SYNDIG1: variants seen among roughly 807,000 people sequenced by gnomAD.
The protein encoded by SYNDIG1 is synapse differentiation inducing 1.
In SYNDIG1, 9 loss-of-function variants were observed where a neutral mutation model predicts 19.4. The ratio of observed to expected loss-of-function variants is 0.46; its 90% confidence interval spans 0.28 to 0.81. The LOEUF (loss-of-function observed/expected upper bound fraction) is 0.81. Among genes scored for constraint, SYNDIG1 ranks in the 30% least tolerant of loss-of-function variants. The probability of loss-of-function intolerance (pLI) is 0.12; values close to 1 mark genes in which losing one functional copy is unlikely to be tolerated. For missense variants in SYNDIG1, 311 were observed against 343.3 expected (o/e 0.91, Z 0.74); for synonymous variants, 141 against 145.9 (o/e 0.97, Z 0.24).
At chr20:24,597,904 G>A (rs1215487551) in intron 3 of SYNDIG1, among the ~76,000 whole-genome samples, 6 of 152,148 alleles carry the variant, frequency 3.9e-5, no homozygotes, top group African/African-American at 1.4e-4. Context: ...ACTCAAGGAG[G>A]TCAAAACTGC....
intron 3 of SYNDIG1, among the ~76,000 whole-genome samples, chr20:24,600,930 C>T (rs2058670746): frequency 6.6e-6 from 1 of 151,868 alleles, no homozygotes; most frequent in Non-Finnish European, 1.5e-5. Context: ...CTTCATCTTT[C>T]CTTACTGCAC....
intron 3 of SYNDIG1, among the ~76,000 whole-genome samples, chr20:24,594,727 G>A (rs2058570543): frequency 6.6e-6 from 1 of 152,108 alleles, no homozygotes; most frequent in Admixed American, 6.6e-5. Flanking sequence ...AATTCTCATT[G>A]TAGAGATCTT....
intron 1 of SYNDIG1, among the ~76,000 whole-genome samples, chr20:24,512,303 G>A (rs1300943168): frequency 1.3e-5 from 2 of 151,056 alleles, no homozygotes; most frequent in Admixed American, 6.6e-5. Flanking sequence ...CAGGACAGTG[G>A]GTACAGCCCA....
At chr20:24,616,612 CAGG>C (rs796974041) in intron 3 of SYNDIG1, among the ~76,000 whole-genome samples, 24 of 152,294 alleles carry the variant, frequency 1.6e-4, no homozygotes, top group African/African-American at 5.1e-4. Flanking sequence ...CAGCAGCTCC[CAGG>C]AGAAGGCGCA....
intron 3 of SYNDIG1, among the ~76,000 whole-genome samples, chr20:24,625,975 G>A (rs1423438128): frequency 5.3e-5 from 8 of 151,416 alleles, no homozygotes; most frequent in East Asian, 4.0e-4. Flanking sequence ...CGGATGGGGC[G>A]GCTGGCCAGG....
At chr20:24,632,366 A>T (rs2147300699) in intron 3 of SYNDIG1, among the ~76,000 whole-genome samples, 1 of 152,194 alleles carries the variant, frequency 6.6e-6, no homozygotes, top group Non-Finnish European at 1.5e-5. Flanking sequence ...CAGCCTCCTG[A>T]GTAGCTGGGA....
At chr20:24,508,513 C>T (rs916949637) in intron 1 of SYNDIG1, among the ~76,000 whole-genome samples, 6 of 152,106 alleles carry the variant, frequency 3.9e-5, no homozygotes, top group African/African-American at 1.4e-4. Context: ...CCACCATGCC[C>T]TGCCCAGGAG....
intron 1 of SYNDIG1, among the ~76,000 whole-genome samples, chr20:24,499,046 G>A (rs116276615): frequency 0.031 from 4,752 of 152,192 alleles, 214 homozygotes; most frequent in African/African-American, 0.11. Flanking sequence ...GTTTTGAGAC[G>A]GAGTCTAGCT....
chr20:24,571,079 G>A (rs2058132973), intron 2 of SYNDIG1, among the ~76,000 whole-genome samples: 1 of 152,134 alleles, frequency 6.6e-6, no homozygotes, highest in African/African-American at 2.4e-5. Context: ...AGACGAAACT[G>A]TAACAACCAA....
rs971513095 is a variant in SYNDIG1 at position 24,584,857 on chromosome 20, G to A, written c.482G>A (p.Ser161Asn). The change falls in exon 3 of 4, where the codon AGC (serine) becomes AAC (asparagine). Residue 161 changes from serine (S) to asparagine (N), a missense_variant and splice_region_variant. By Grantham distance (46) the Ser-to-Asn change is conservative. Transcript: ENST00000376862. The part of the protein sequence containing the change: ...EEEEEFQELE[S>N]DYSSDTESED... ...TGTCCTGCTGGTTCTCTCTTGCAGAGCGACTACTCAAGCGACACAGAGAGT... is the reference window on the plus strand; with the variant it reads ...TGTCCTGCTGGTTCTCTCTTGCAGAACGACTACTCAAGCGACACAGAGAGT... 1.2e-6 allele frequency: 2 copies of A among 1,614,014 alleles called. No individual in the cohort carries two copies. The highest frequency in any genetic ancestry group is 2.7e-5 in the African/African-American group (2 of 74,922).
chr20:24,521,448 CTT>C (rs1326190127), intron 1 of SYNDIG1, among the ~76,000 whole-genome samples: 1 of 152,038 alleles, frequency 6.6e-6, no homozygotes, highest in African/African-American at 2.4e-5. Context: ...AGTGTTGAAT[CTT>C]TGAGGACCCA....
intron 1 of SYNDIG1, among the ~76,000 whole-genome samples, chr20:24,473,288 C>T (rs56065636): frequency 0.038 from 5,765 of 152,210 alleles, 144 homozygotes; most frequent in Non-Finnish European, 0.058. Context: ...GTTTTTGGAG[C>T]CTTAGCTCTT....
intron 2 of SYNDIG1, among the ~76,000 whole-genome samples, chr20:24,548,169 C>T (rs764960334): frequency 6.6e-6 from 1 of 152,164 alleles, no homozygotes; most frequent in Non-Finnish European, 1.5e-5. Flanking sequence ...GGGGTGTTTC[C>T]AAGATCACAC....
intron 3 of SYNDIG1, among the ~76,000 whole-genome samples, chr20:24,614,561 A>T (rs1268959413): frequency 6.9e-6 from 1 of 145,644 alleles, no homozygotes. Context: ...GATCACAGCA[A>T]TATATTAAAT....
chr20:24,582,876 G>C lies in SYNDIG1; in HGVS notation c.481-1980G>C, dbSNP rs373272014. Among the ~76,000 whole-genome samples, 6 of 152,224 alleles carry C rather than the reference G, an allele frequency of 3.9e-5. No individual in the cohort carries two copies. The South Asian group carries it at 6.2e-4, about 16-fold the overall frequency. On this transcript the variant is annotated intron_variant, in intron 2 of 3. Transcript: ENST00000376862. ...CGACTCCTTGACCTGTGCCCAGCAG[G>C]AGGGGCGAGGCCAGGAGCTGGCACT...
intron 2 of SYNDIG1, among the ~76,000 whole-genome samples, chr20:24,579,152 A>C (rs561202431): frequency 1.3e-5 from 2 of 152,356 alleles, no homozygotes; most frequent in African/African-American, 4.8e-5. Context: ...AGTGGCGAGA[A>C]TGGAAAGAAT....
At chr20:24,482,772 A>G (rs1205413594) in intron 1 of SYNDIG1, among the ~76,000 whole-genome samples, 1 of 152,218 alleles carries the variant, frequency 6.6e-6, no homozygotes, top group Non-Finnish European at 1.5e-5. Flanking sequence ...CTGGGTATGT[A>G]TTTACATGGA....
intron 2 of SYNDIG1, among the ~76,000 whole-genome samples, chr20:24,554,238 A>G (rs2057765877): frequency 6.6e-6 from 1 of 152,194 alleles, no homozygotes; most frequent in South Asian, 2.1e-4. Flanking sequence ...ATATACAATC[A>G]TGTCATCTGC....
At chr20:24,616,387 C>T (rs372799782) in intron 3 of SYNDIG1, among the ~76,000 whole-genome samples, 3 of 152,238 alleles carry the variant, frequency 2.0e-5, no homozygotes, top group South Asian at 2.1e-4. Flanking sequence ...TCCAGGGGCT[C>T]GCGCCCCTCC....
Sources: allele counts gnomAD v4.1 joint callset (sites outside exome capture counted in the v4.1 genomes callset), GRCh38; gene constraint gnomAD v4.1.1; transcripts MANE v1.5; gene names NCBI Gene and HGNC (gene_info 2026-07-23, HGNC 2026-07-21).